SMURF2: variants seen among roughly 807,000 people sequenced by gnomAD.
SMURF2 encodes the protein E3 ubiquitin-protein ligase SMURF2.
A neutral mutation model predicts 109.6 loss-of-function variants in SMURF2; 48 were observed. The observed-to-expected ratio is 0.44, with a 90% CI of 0.35 to 0.56. The LOEUF (loss-of-function observed/expected upper bound fraction) is 0.56. Among genes scored for constraint, SMURF2 ranks in the 20% least tolerant of loss-of-function variants. The probability of loss-of-function intolerance (pLI) is 0.01; values close to 1 mark genes in which losing one functional copy is unlikely to be tolerated. For missense variants in SMURF2, 575 were observed against 909.0 expected, an observed-to-expected ratio of 0.63 and a Z score of 4.72; for synonymous variants, 288 against 317.1, an observed-to-expected ratio of 0.91 and a Z score of 0.97.
intron 1 of SMURF2, among the ~76,000 whole-genome samples, chr17:64,654,711 C>T (rs1354793269): frequency 2.0e-5 from 3 of 152,176 alleles, no homozygotes. Flanking sequence ...TGCCTATAAT[C>T]CCAGCTATTC....
At chr17:64,653,978 C>T (rs1568212131) in intron 1 of SMURF2, among the ~76,000 whole-genome samples, 1 of 152,250 alleles carries the variant, frequency 6.6e-6, no homozygotes, top group East Asian at 1.9e-4. Context: ...ACCCAAAAGA[C>T]TGCAGACAGT....
At chr17:64,563,809 ATAT>A (rs1969261418) in intron 10 of SMURF2, among the ~76,000 whole-genome samples, 1 of 152,158 alleles carries the variant, frequency 6.6e-6, no homozygotes, top group Admixed American at 6.5e-5. Flanking sequence ...GGGTCTTGCT[ATAT>A]TGCCCAGGCT....
intron 1 of SMURF2, among the ~76,000 whole-genome samples, chr17:64,629,089 T>C (rs1422362722): frequency 6.6e-6 from 1 of 152,062 alleles, no homozygotes; most frequent in Non-Finnish European, 1.5e-5. Context: ...CTTTTACATA[T>C]CTAATACTCC....
chr17:64,587,369 G>GTTTAGT (rs1969678821), intron 5 of SMURF2, among the ~76,000 whole-genome samples: 1 of 152,152 alleles, frequency 6.6e-6, no homozygotes, highest in South Asian at 2.1e-4. Context: ...CTAGTAACTA[G>GTTTAGT]TTTAGCACTG....
At chr17:64,657,524 T>C (rs1970720897) in intron 1 of SMURF2, among the ~76,000 whole-genome samples, 1 of 149,652 alleles carries the variant, frequency 6.7e-6, no homozygotes, top group African/African-American at 2.5e-5. Flanking sequence ...AAACCCCATC[T>C]GTACTGGAAA....
intron 15 of SMURF2, among the ~76,000 whole-genome samples, chr17:64,552,335 T>C (rs538151453): frequency 4.4e-4 from 67 of 152,296 alleles, no homozygotes; most frequent in African/African-American, 1.6e-3. Flanking sequence ...TATAAGTGAA[T>C]TGTTTTTATT....
intron 1 of SMURF2, among the ~76,000 whole-genome samples, chr17:64,613,744 G>GTGTGTGTGTGTGTGT (rs1555689839): frequency 1.3e-4 from 18 of 137,846 alleles, no homozygotes; most frequent in East Asian, 4.3e-4. Flanking sequence ...GTGTGTGTGT[G>GTGTGTGTGTGTGTGT]GAGGGGGGGC....
intron 2 of SMURF2, among the ~76,000 whole-genome samples, chr17:64,604,973 A>T (rs1283938888): frequency 1.3e-5 from 2 of 151,578 alleles, no homozygotes; most frequent in East Asian, 3.9e-4. Context: ...TGCTCCCCTT[A>T]CTTCCCTCCC....
At position 64,551,712 on chromosome 17, in the gene SMURF2, C is replaced by T. The variant is rs1555683640; in HGVS notation, c.1749-8G>A. The T allele has an allele frequency of 6.2e-7, 1 of 1,613,412 alleles. No homozygotes were observed. Among genetic ancestry groups the T allele is most frequent in the Non-Finnish European group, 8.5e-7 (1 of 1,179,688 alleles). On this transcript the variant is annotated splice_region_variant and splice_polypyrimidine_tract_variant and intron_variant, in intron 15 of 18. Transcript: ENST00000262435. Reference sequence around the variant, plus strand: ...CTCCAGTTCACATAGAGCCTGTAAACATTCGGCAGGATTTCGTATAATCAC... The same window carrying T: ...CTCCAGTTCACATAGAGCCTGTAAATATTCGGCAGGATTTCGTATAATCAC...
intron 2 of SMURF2, among the ~76,000 whole-genome samples, chr17:64,604,007 T>C (rs1969935204): frequency 6.6e-6 from 1 of 152,232 alleles, no homozygotes; most frequent in Non-Finnish European, 1.5e-5. Flanking sequence ...TATTTTACTA[T>C]TAATAACTGC....
In SMURF2 at chr17:64,581,302, T is replaced by C. The variant is rs782463115; in HGVS notation, c.570-311A>G. Among the ~76,000 whole-genome samples the C allele has an allele frequency of 2.0e-5, 3 of 152,134 alleles. No homozygotes were observed. Among genetic ancestry groups the C allele is most frequent in the Non-Finnish European group, 2.9e-5 (2 of 68,034 alleles). On this transcript the variant is annotated intron_variant, in intron 7 of 18. Transcript: ENST00000262435. This position sits in a 1 kb window ranked among gnomAD's most constrained non-coding sequence, Gnocchi z 4.3. ...AACACTGCTTGATCTAGCTATAGCCTCTCCCTCAGACCTGACTTCCCACCA... is the reference window on the plus strand; with the variant it reads ...AACACTGCTTGATCTAGCTATAGCCCCTCCCTCAGACCTGACTTCCCACCA...
intron 1 of SMURF2, among the ~76,000 whole-genome samples, chr17:64,615,905 C>A (rs540356732): frequency 6.6e-6 from 1 of 152,268 alleles, no homozygotes; most frequent in Admixed American, 6.5e-5. Context: ...TCTCAGCTCA[C>A]TGCAATCTCT....
intron 5 of SMURF2, 113 bp from the exon 6 acceptor site, chr17:64,586,283 T>A: frequency 1.7e-6 from 1 of 580,338 alleles, no homozygotes; most frequent in Admixed American, 3.3e-5. Flanking sequence ...TACTTTAGAA[T>A]GAACTCTTTG....
chr17:64,610,670 G>C (rs1425351757), intron 1 of SMURF2, among the ~76,000 whole-genome samples: 2 of 152,110 alleles, frequency 1.3e-5, no homozygotes, highest in African/African-American at 4.8e-5. Flanking sequence ...ATGGGTTGAT[G>C]GGTGCAACAA....
intron 1 of SMURF2, among the ~76,000 whole-genome samples, chr17:64,636,602 C>CAAAAAAAA (rs782425202): frequency 1.8e-4 from 7 of 38,742 alleles, no homozygotes; most frequent in Non-Finnish European, 3.0e-4. Flanking sequence ...GACTCTGCCT[C>CAAAAAAAA]AAAAAAAAAA....
intron 3 of SMURF2, 130 bp downstream of exon 3, chr17:64,598,252 T>G (rs1969844947): frequency 1.5e-6 from 1 of 661,918 alleles, no homozygotes; most frequent in South Asian, 3.7e-5. Flanking sequence ...ACTGGGCTTT[T>G]CTTTACCCCT....
At chr17:64,607,107 T>A (rs1969981404) in intron 1 of SMURF2, among the ~76,000 whole-genome samples, 1 of 150,988 alleles carries the variant, frequency 6.6e-6, no homozygotes, top group Admixed American at 6.6e-5. Context: ...CTGTTCTCCA[T>A]CTAAATGCCA....
intron 1 of SMURF2, among the ~76,000 whole-genome samples, chr17:64,654,332 C>G (rs1001055501): frequency 8.5e-5 from 13 of 152,110 alleles, no homozygotes; most frequent in African/African-American, 2.7e-4. Context: ...AAAAAGGTAG[C>G]CAATGCCATC....
chr17:64,640,486 GATAA>G (rs1437032978), intron 1 of SMURF2, among the ~76,000 whole-genome samples: 1 of 152,140 alleles, frequency 6.6e-6, no homozygotes, highest in Non-Finnish European at 1.5e-5. Context: ...TAAGGTCTTG[GATAA>G]ATAGTGTCTA....
Sources: gnomAD v4.1 joint callset for allele counts (sites outside exome capture counted in the v4.1 genomes callset) on GRCh38, gnomAD v4.1.1 for gene constraint, Gnocchi (gnomAD v3.1) non-coding constraint, MANE v1.5 for transcripts, NCBI Gene and HGNC (gene_info 2026-07-23, HGNC 2026-07-21) for gene names.